Variants in TCTN2 observed in about 807,000 individuals in gnomAD.
TCTN2 encodes tectonic-2.
A neutral mutation model predicts 83.4 loss-of-function variants in TCTN2; 66 were observed. The observed-to-expected ratio is 0.79, with a 90% CI of 0.65 to 0.97. TCTN2 has a LOEUF of 0.97. Among genes scored for constraint, TCTN2 ranks in the 50% least tolerant of loss-of-function variants. TCTN2 has a pLI of 0.00. For missense variants in TCTN2, 794 were observed against 858.1 expected, an observed-to-expected ratio of 0.93 and a Z score of 0.93; for synonymous variants, 301 against 326.7, an observed-to-expected ratio of 0.92 and a Z score of 0.85.
chr12:123,690,907 C>T (rs1956033310), intron 8 of TCTN2, among the ~76,000 whole-genome samples: 1 of 152,156 alleles, frequency 6.6e-6, no homozygotes, highest in Non-Finnish European at 1.5e-5. Context: ...GTTTCTCCGT[C>T]ACGCAGGTTG....
chr12:123,702,085 C>T (rs1387378300), intron 14 of TCTN2, among the ~76,000 whole-genome samples: 3 of 152,130 alleles, frequency 2.0e-5, no homozygotes, highest in Non-Finnish European at 2.9e-5. Flanking sequence ...TCCTCTGTTC[C>T]CTGGTAGCAA....
chr12:123,685,914 C>T lies in TCTN2; in HGVS notation c.565-922C>T, dbSNP rs956717220. 4.8e-5 allele frequency among the ~76,000 whole-genome samples: 7 copies of T among 146,368 alleles called. No homozygotes were observed. The East Asian group carries it at 6.0e-4, about 13-fold the overall frequency. ...AATTTTTTTTTTTTTTTAATTTTGT[C>T]GGGGCTGAGTCTCTCTATGTTGCCT... On this transcript the variant is annotated intron_variant, in intron 5 of 17. Transcript: ENST00000303372.
intron 9 of TCTN2, 89 bp from the exon 10 acceptor site, chr12:123,694,753 G>T: frequency 2.1e-6 from 3 of 1,460,670 alleles, no homozygotes; most frequent in Non-Finnish European, 2.9e-6. Flanking sequence ...GGCACTTGGG[G>T]AAGGCCACGC....
chr12:123,684,919 G>A (rs1223942069), intron 5 of TCTN2, among the ~76,000 whole-genome samples: 3 of 151,724 alleles, frequency 2.0e-5, no homozygotes, highest in Non-Finnish European at 4.4e-5. Context: ...GTATGTTGGT[G>A]GGTGCCTGTA....
At chr12:123,696,356 A>T in intron 11 of TCTN2, 59 bp from the exon 12 acceptor site, 1 of 1,355,974 alleles carries the variant, frequency 7.4e-7, no homozygotes, top group Non-Finnish European at 1.1e-6. Flanking sequence ...TTATTTGCAG[A>T]GTTAGGGCTT....
intron 14 of TCTN2, among the ~76,000 whole-genome samples, chr12:123,702,470 G>C (rs1956183539): frequency 6.6e-6 from 1 of 152,170 alleles, no homozygotes; most frequent in African/African-American, 2.4e-5. Context: ...TGGATAATGT[G>C]ATATGTCTGT....
At chr12:123,700,126 C>T in intron 14 of TCTN2, 1 of 441,608 alleles carries the variant, frequency 2.3e-6, no homozygotes, top group East Asian at 4.8e-5. Context: ...ATCCTCCCGC[C>T]TCAGCCTTCC....
chr12:123,695,123 G>T (rs1956091833), intron 10 of TCTN2, 97 bp from the exon 11 acceptor site: 1 of 1,423,030 alleles, frequency 7.0e-7, no homozygotes, highest in Non-Finnish European at 9.9e-7. Flanking sequence ...AGTACACTTT[G>T]TATGACAAAA....
chr12:123,696,258 T>C, intron 11 of TCTN2, 157 bp from the exon 12 acceptor site: 1 of 674,470 alleles, frequency 1.5e-6, no homozygotes, highest in Non-Finnish European at 2.7e-6. Flanking sequence ...TACTGTTTTT[T>C]TTGAGACCCG....
intron 6 of TCTN2, 41 bp downstream of exon 6, chr12:123,687,076 C>T: frequency 1.2e-6 from 2 of 1,612,010 alleles, no homozygotes; most frequent in Non-Finnish European, 1.7e-6. Flanking sequence ...GCATTGTTCT[C>T]CCGCCCTGGT....
chr12:123,671,705 C>A, intron 2 of TCTN2, 91 bp downstream of exon 2: 1 of 1,155,578 alleles, frequency 8.7e-7, no homozygotes. Flanking sequence ...TTGGGGCCCC[C>A]TGCCTCTGTT....
At chr12:123,707,281 C>G in intron 17 of TCTN2, 1 of 621,344 alleles carries the variant, frequency 1.6e-6, no homozygotes, top group Non-Finnish European at 2.8e-6. Flanking sequence ...GAGTCTTGCT[C>G]TGACACCCTG....
At chr12:123,694,750 G>T in intron 9 of TCTN2, 92 bp from the exon 10 acceptor site, 1 of 1,420,958 alleles carries the variant, frequency 7.0e-7, no homozygotes, top group South Asian at 1.2e-5. Flanking sequence ...CAGGGCACTT[G>T]GGGAAGGCCA....
At chr12:123,681,854 T>C (rs968977082) in intron 5 of TCTN2, among the ~76,000 whole-genome samples, 2 of 152,216 alleles carry the variant, frequency 1.3e-5, no homozygotes, top group African/African-American at 4.8e-5. Flanking sequence ...CCATCAGCAA[T>C]GTATGTGGGG....
intron 15 of TCTN2, among the ~76,000 whole-genome samples, chr12:123,705,819 C>T (rs569466519): frequency 3.0e-4 from 45 of 150,272 alleles, no homozygotes; most frequent in Non-Finnish European, 5.2e-4. Context: ...TGCAGTGGTG[C>T]CATCTTGGCT....
In TCTN2 at chr12:123,699,783, C is replaced by G. The variant is rs113301547; in HGVS notation, c.1585C>G (p.Leu529Val). The G allele has an allele frequency of 7.2e-4, 1,159 of 1,614,114 alleles. 5 individuals are homozygous for G. In the African/African-American group the frequency reaches 0.012, roughly 16 times the overall value. The change falls in exon 14 of 18, where the codon CTT (leucine) becomes GTT (valine). Residue 529 changes from leucine to valine, a missense_variant. Coordinates refer to ENST00000303372, the MANE Select transcript of TCTN2 (RefSeq NM_024809.5). ...AMRGNSDYAD[L>V]SDGWLEIIRV... The stretch of plus-strand genomic sequence containing the variant: ...GAGAGGCAACTCCGATTACGCTGAT[C>G]TTAGTGATGGCTGGCTCGAAATAAT...
chr12:123,690,115 A>G (rs553643684), intron 7 of TCTN2, among the ~76,000 whole-genome samples: 13 of 152,300 alleles, frequency 8.5e-5, no homozygotes, highest in Admixed American at 6.5e-4. Flanking sequence ...TCTTTTTTTA[A>G]GTTCAACATT....
At chr12:123,678,864 C>G (rs1955857814) in intron 4 of TCTN2, among the ~76,000 whole-genome samples, 1 of 151,678 alleles carries the variant, frequency 6.6e-6, no homozygotes, top group Middle Eastern at 3.4e-3. Context: ...GTGGCACGAT[C>G]TCGGCTCACT....
chr12:123,704,461 G>T lies in TCTN2; in HGVS notation c.1613-71G>T, dbSNP rs1314253966. ...CCTGCCTGATATTATTCCCCATTTTGGTTATTACGACATTGTAGGAAAACT... is the reference window on the plus strand; with the variant it reads ...CCTGCCTGATATTATTCCCCATTTTTGTTATTACGACATTGTAGGAAAACT... On this transcript the variant is annotated intron_variant, in intron 14 of 17. Coordinates refer to ENST00000303372, the MANE Select transcript of TCTN2 (RefSeq NM_024809.5). 5 of 1,484,836 alleles carry T rather than the reference G, an allele frequency of 3.4e-6. No homozygotes were observed. In the African/African-American group the frequency reaches 5.6e-5, roughly 17 times the overall value. 92.0% of individuals were successfully genotyped at this position (1,484,836 alleles called of 1,614,324 possible). A position where few individuals can be genotyped will look rare whatever the true frequency, so the allele number is the denominator to read the frequency against.
Sources: gnomAD v4.1 joint callset for allele counts (sites outside exome capture counted in the v4.1 genomes callset) on GRCh38, gnomAD v4.1.1 for gene constraint, MANE v1.5 for transcripts, NCBI Gene and HGNC (gene_info 2026-07-23, HGNC 2026-07-21) for gene names.